The following ALG6 variants were observed in gnomAD, a reference collection of about 807,000 sequenced individuals.
ALG6 encodes ALG6 alpha-1,3-glucosyltransferase, also known as dolichyl pyrophosphate Man9GlcNAc2 alpha-1,3-glucosyltransferase.
In ALG6, 46 loss-of-function variants were observed where a neutral mutation model predicts 66.6. The observed-to-expected ratio is 0.69, with a 90% CI of 0.55 to 0.88. The LOEUF (loss-of-function observed/expected upper bound fraction) is 0.88, where lower values mean the gene tolerates loss of function less well. Among genes scored for constraint, ALG6 ranks in the 40% least tolerant of loss-of-function variants. The pLI, the probability that ALG6 is intolerant of heterozygous loss-of-function variation, is 0.00. For missense variants in ALG6, 505 were observed against 586.8 expected, an observed-to-expected ratio of 0.86 and a Z score of 1.44; for synonymous variants, 185 against 203.7, an observed-to-expected ratio of 0.91 and a Z score of 0.78.
chr1:63,403,326 A>G (rs1170861593), intron 4 of ALG6, among the ~76,000 whole-genome samples: 1 of 152,158 alleles, frequency 6.6e-6, no homozygotes, highest in Non-Finnish European at 1.5e-5. Context: ...ATGGTTACCA[A>G]CTAATCTGTC....
rs974731617 is a variant in ALG6, at chr1:63,388,958, T to C, written c.83-7555T>C. Among the ~76,000 whole-genome samples the C allele has an allele frequency of 2.6e-5, 4 of 152,196 alleles. No individual in the cohort carries two copies. The South Asian group carries it at 8.3e-4, about 32-fold the overall frequency. ...TGCTGCCAGATGTATTGGAACTCCT[T>C]TGTATGCTGTTTCTTTCTTCTTGCT... On this transcript the variant is annotated intron_variant, in intron 2 of 14. Transcript: ENST00000263440.
intron 2 of ALG6, among the ~76,000 whole-genome samples, chr1:63,386,806 C>A (rs11208203): frequency 0.027 from 4,034 of 152,094 alleles, 174 homozygotes; most frequent in African/African-American, 0.092. Context: ...CTGCTCTGAT[C>A]TTTACTATTT....
In ALG6 at chr1:63,433,436, G is replaced by C. The variant is rs183992850; in HGVS notation, c.1327-3387G>C. 1.3e-3 allele frequency among the ~76,000 whole-genome samples: 192 copies of C among 152,248 alleles called. No individual in the cohort carries two copies. Among genetic ancestry groups the C allele is most frequent in the African/African-American group, 4.5e-3 (188 of 41,546 alleles). ...GGCAGAGTTGAATGGGTGTCCTGAGGGTTTTGCACTTTAGGTAATGACCAT... is the reference window on the plus strand; with the variant it reads ...GGCAGAGTTGAATGGGTGTCCTGAGCGTTTTGCACTTTAGGTAATGACCAT... On this transcript the variant is annotated intron_variant, in intron 14 of 14. Transcript: ENST00000263440. This position sits in a 1 kb window ranked among gnomAD's most constrained non-coding sequence, Gnocchi z 4.2.
intron 1 of ALG6, 131 bp from the exon 2 acceptor site, chr1:63,370,640 A>G (rs1647891374): frequency 1.0e-5 from 3 of 293,930 alleles, no homozygotes; most frequent in Admixed American, 4.9e-5. Flanking sequence ...AACTTAAAAT[A>G]CCACGTTTCC....
At chr1:63,424,538 T>G (rs1341822577) in intron 12 of ALG6, among the ~76,000 whole-genome samples, 1 of 152,038 alleles carries the variant, frequency 6.6e-6, no homozygotes, top group Non-Finnish European at 1.5e-5. Context: ...TTTGCAAATA[T>G]TTTCTCCCAT....
At position 63,400,222 on chromosome 1, in the gene ALG6, CGTATATATATATAT is replaced by C. The variant is rs1347666540; in HGVS notation, c.168-2031_168-2018del. On this transcript the variant is annotated intron_variant, in intron 3 of 14. Transcript: ENST00000263440. ...AAAAAAAAAAATATATATATATATA[CGTATATATATATAT>C]ATATATACGTATATATATGTATATA... 5.7e-4 allele frequency among the ~76,000 whole-genome samples: 7 copies of C among 12,246 alleles called. 1 individual carries two copies. Among genetic ancestry groups the C allele is most frequent in the African/African-American group, 4.8e-3 (6 of 1,244 alleles). 8.0% of individuals were successfully genotyped at this position (12,246 alleles called of 152,430 possible). A position where few individuals can be genotyped will look rare whatever the true frequency, so the allele number is the denominator to read the frequency against.
intron 3 of ALG6, among the ~76,000 whole-genome samples, chr1:63,401,406 C>T (rs1365223380): frequency 6.6e-6 from 1 of 152,134 alleles, no homozygotes; most frequent in African/African-American, 2.4e-5. Context: ...TGGCTCACCC[C>T]TGTAATCGCA....
intron 2 of ALG6, among the ~76,000 whole-genome samples, chr1:63,382,566 C>G (rs550899386): frequency 6.6e-6 from 1 of 151,996 alleles, no homozygotes; most frequent in Non-Finnish European, 1.5e-5. Context: ...CTCTGCCTCC[C>G]GAGTTCAAGC....
chr1:63,427,847 C>T (rs187864847), intron 12 of ALG6, among the ~76,000 whole-genome samples: 2 of 144,528 alleles, frequency 1.4e-5, no homozygotes, highest in South Asian at 2.2e-4. Context: ...CACTCTGTTG[C>T]CCAGGCTGGA....
At chr1:63,374,141 C>T (rs1648036330) in intron 2 of ALG6, among the ~76,000 whole-genome samples, 2 of 152,104 alleles carry the variant, frequency 1.3e-5, no homozygotes, top group African/African-American at 4.8e-5. Context: ...TTTAATTCCA[C>T]AATCAGTGCT....
At chr1:63,368,409 A>G (rs66982119) in intron 1 of ALG6, among the ~76,000 whole-genome samples, 13,978 of 152,072 alleles carry the variant, frequency 0.092, 1,172 homozygotes, top group East Asian at 0.37. Flanking sequence ...ACACTGTTCT[A>G]CAAGTGGGGA....
Position 63,414,383 on chromosome 1 carries a change from C to G in ALG6, c.902+237C>G, listed in dbSNP as rs556194574. 4.6e-4 allele frequency among the ~76,000 whole-genome samples: 70 copies of G among 151,896 alleles called. 1 individual carries two copies. Among genetic ancestry groups the G allele is most frequent in the African/African-American group, 1.6e-3 (66 of 41,434 alleles). ...TCTCCTGCCTCAGCCTCTGGAGTAG[C>G]TGGGATTACAGGCGCCCGCCACATG... On this transcript the variant is annotated intron_variant, in intron 10 of 14. Coordinates refer to ENST00000263440, the MANE Select transcript of ALG6 (RefSeq NM_013339.4).
At chr1:63,385,864 A>T (rs1648487684) in intron 2 of ALG6, among the ~76,000 whole-genome samples, 1 of 111,474 alleles carries the variant, frequency 9.0e-6, no homozygotes. Flanking sequence ...GTTGAATAAC[A>T]GTTGTGAAAG....
At chr1:63,422,182 T>TATATAG (rs1320435394) in intron 12 of ALG6, among the ~76,000 whole-genome samples, 4,786 of 85,396 alleles carry the variant, frequency 0.056, 331 homozygotes, top group Non-Finnish European at 0.081. Context: ...AATTTATATT[T>TATATAG]ATATAAATAT....
intron 7 of ALG6, among the ~76,000 whole-genome samples, chr1:63,408,609 A>C (rs988852587): frequency 1.3e-5 from 2 of 152,150 alleles, no homozygotes; most frequent in South Asian, 4.1e-4. Context: ...AGCATGTACC[A>C]ATTAAGACTC....
rs1369071046 is a variant in ALG6, at chr1:63,412,041, G to A, written c.796G>A (p.Val266Ile). Reference sequence around the variant, plus strand: ...GCAGGTTCTAAGAAGACTCTTCCCGGTTGATCGTGGATTATTTGAGGCATG... The same window carrying A: ...GCAGGTTCTAAGAAGACTCTTCCCGATTGATCGTGGATTATTTGAGGCATG... ...TLQVLRRLFP[V>I]DRGLFEDKVA... is the part of the protein sequence containing the mutation. The change falls in exon 9 of 15, where the codon GTT (valine) becomes ATT (isoleucine). Residue 266 changes from valine (V) to isoleucine (I), a missense_variant. By Grantham distance (29) the Val-to-Ile change is conservative. Coordinates refer to ENST00000263440, the MANE Select transcript of ALG6 (RefSeq NM_013339.4). 1 of 1,614,078 alleles carries A rather than the reference G, an allele frequency of 6.2e-7. No homozygotes were observed. Among genetic ancestry groups the A allele is most frequent in the Non-Finnish European group, 8.5e-7 (1 of 1,179,996 alleles).
At chr1:63,414,255 C>CTTTT in intron 10 of ALG6, 109 bp downstream of exon 10, 4 of 619,762 alleles carry the variant, frequency 6.5e-6, no homozygotes, top group Admixed American at 3.1e-5. Context: ...TTTTTCTTTT[C>CTTTT]TTTTTTTTTT....
chr1:63,414,113 A>G lies in ALG6; in HGVS notation c.869A>G (p.Asp290Gly), dbSNP rs1261123844. ...CSFNVFLKIK[D>G]ILPRHIQLIM... ...TTCAATGTCTTTCTGAAGATTAAGG[A>G]TATTTTGCCACGTCACATCCAATTA... Residue 290 changes from aspartate to glycine, a missense_variant, in exon 10 of 15, where the codon GAT becomes GGT. Coordinates refer to ENST00000263440, the MANE Select transcript of ALG6 (RefSeq NM_013339.4). 30 of 1,612,992 alleles carry G rather than the reference A, an allele frequency of 1.9e-5. No individual in the cohort carries two copies. The highest frequency in any genetic ancestry group is 2.5e-5 in the Non-Finnish European group (30 of 1,179,250).
chr1:63,402,484 T>C (rs1644469938), intron 4 of ALG6, 141 bp downstream of exon 4: 2 of 549,362 alleles, frequency 3.6e-6, no homozygotes, highest in Non-Finnish European at 6.3e-6. Flanking sequence ...TTTTTTTTTT[T>C]GAGATGAAGT....
Sources: allele counts gnomAD v4.1 joint callset (sites outside exome capture counted in the v4.1 genomes callset), GRCh38; gene constraint gnomAD v4.1.1; non-coding constraint Gnocchi (gnomAD v3.1); transcripts MANE v1.5; gene names NCBI Gene and HGNC (gene_info 2026-07-23, HGNC 2026-07-21).